Variants in PCDH19 observed in about 807,000 individuals in gnomAD.
The protein encoded by PCDH19 is protocadherin-19.
PCDH19 carries 6 observed loss-of-function variants against 46.2 expected under a neutral mutation model. The ratio of observed to expected loss-of-function variants is 0.13; its 90% CI spans 0.07 to 0.26. The LOEUF (loss-of-function observed/expected upper bound fraction) is 0.26. Among genes scored for constraint, PCDH19 ranks in the 10% least tolerant of loss-of-function variants. The pLI is 1.00. For synonymous variants in PCDH19, 481 were observed against 415.7 expected (o/e 1.16, Z -1.91); for missense variants, 740 against 972.3 (o/e 0.76, Z 3.18).
At chrX:100,389,390 G>T (rs1927804605) in intron 3 of PCDH19, among the ~76,000 whole-genome samples, 1 of 108,243 alleles carries the variant, frequency 9.2e-6, no homozygotes, top group African/African-American at 3.4e-5. Context: ...AGGGGTTGTG[G>T]GTGGGGGAAA....
chrX:100,406,342 G>A (rs1208515194), intron 1 of PCDH19, 109 bp downstream of exon 1: 2 of 609,101 alleles, frequency 3.3e-6, no homozygotes, highest in African/African-American at 4.5e-5. Flanking sequence ...AGCACTGCAA[G>A]TATGCTGCAT....
In PCDH19 at chrX:100,407,236, G is replaced by C. The variant is rs903487668; in HGVS notation, c.1362C>G (p.Ser454=). Residue 454 remains serine (S), a synonymous_variant, in exon 1 of 6, where the codon TCC becomes TCG. Transcript: ENST00000373034. Reference sequence around the variant, plus strand: ...GCACAATGACCTGGTAGTAGGGCTTGGAAAAGTGCGGGTGGTTGTCATTTT... The same window carrying C: ...GCACAATGACCTGGTAGTAGGGCTTCGAAAAGTGCGGGTGGTTGTCATTTT... ...TDENDNHPHF[S]KPYYQVIVQE... 2.5e-6 allele frequency: 3 copies of C among 1,210,030 alleles called. No individual in the cohort carries two copies. Among genetic ancestry groups the C allele is most frequent in the Admixed American group, 2.2e-5 (1 of 45,888 alleles).
Position 100,351,923 on chromosome X carries a change from C to T in PCDH19, c.2617-1219G>A, listed in dbSNP as rs1021150018. 3.6e-5 allele frequency among the ~76,000 whole-genome samples: 4 copies of T among 112,180 alleles called. No homozygotes were observed. In the South Asian group the frequency reaches 1.1e-3, roughly 31 times the overall value. On this transcript the variant is annotated intron_variant, in intron 3 of 5. Transcript: ENST00000373034. ...CACCAAACAGCCAGCAGTCAGAATA[C>T]AGACCCCAAGTGCCTACAATAGGTA...
chrX:100,342,385 TTTCTC>T (rs1926278380), intron 4 of PCDH19, among the ~76,000 whole-genome samples: 1 of 112,281 alleles, frequency 8.9e-6, no homozygotes, highest in African/African-American at 3.2e-5. Context: ...TCAGAAGACT[TTTCTC>T]TTCCTATAAA....
intron 5 of PCDH19, among the ~76,000 whole-genome samples, chrX:100,298,481 T>C (rs1283317707): frequency 1.8e-5 from 2 of 112,232 alleles, no homozygotes; most frequent in East Asian, 5.6e-4. Context: ...ATGGACACTT[T>C]CATCCCCCTT....
chrX:100,312,705 T>G (rs1218583577), intron 5 of PCDH19, among the ~76,000 whole-genome samples: 1 of 111,363 alleles, frequency 9.0e-6, no homozygotes, highest in Non-Finnish European at 1.9e-5. Flanking sequence ...TTTCAGCACA[T>G]GAAGATTACA....
intron 3 of PCDH19, among the ~76,000 whole-genome samples, chrX:100,398,111 C>T (rs1434678972): frequency 1.8e-5 from 2 of 111,320 alleles, no homozygotes; most frequent in African/African-American, 6.5e-5. Context: ...CCTCACCTTT[C>T]AGTTTAAAAT....
In PCDH19 at chrX:100,408,555, G is replaced by A; in HGVS notation, c.43C>T (p.Leu15=). Reference sequence around the variant, plus strand: ...ATGAGGGCGGCAGCCTGCGTCCACAGTATGGCCAGCAGCAGCAGCACCGGC... The same window carrying A: ...ATGAGGGCGGCAGCCTGCGTCCACAATATGGCCAGCAGCAGCAGCACCGGC... ...LLPVLLLLAI[L]WTQAAALINL... Residue 15 remains leucine, a synonymous_variant, in exon 1 of 6, where the codon CTG becomes TTG. Transcript: ENST00000373034. 1.7e-6 allele frequency: 2 copies of A among 1,193,867 alleles called. No individual in the cohort carries two copies. Among genetic ancestry groups the A allele is most frequent in the East Asian group, 3.0e-5 (1 of 33,232 alleles).
intron 4 of PCDH19, among the ~76,000 whole-genome samples, chrX:100,346,786 A>G (rs1323495515): frequency 8.9e-6 from 1 of 111,756 alleles, no homozygotes; most frequent in Non-Finnish European, 1.9e-5. Flanking sequence ...TTCATTTCCT[A>G]TTTCATTTTC....
At chrX:100,349,244 A>G (rs181565392) in intron 4 of PCDH19, among the ~76,000 whole-genome samples, 20 of 112,268 alleles carry the variant, frequency 1.8e-4, no homozygotes, top group African/African-American at 6.5e-4. Flanking sequence ...AAGGCACTCT[A>G]ATCAGTGCAC....
intron 3 of PCDH19, among the ~76,000 whole-genome samples, chrX:100,358,650 A>G (rs1002493814): frequency 3.6e-5 from 4 of 112,264 alleles, no homozygotes; most frequent in African/African-American, 6.5e-5. Flanking sequence ...ACACCATGCC[A>G]TAAAACAAAT....
intron 5 of PCDH19, among the ~76,000 whole-genome samples, chrX:100,336,710 G>A (rs1239915372): frequency 3.6e-5 from 4 of 112,027 alleles, no homozygotes; most frequent in Non-Finnish European, 7.5e-5. Flanking sequence ...TTAGCATGGA[G>A]GGAAACCAAT....
chrX:100,312,512 T>G (rs1925163069), intron 5 of PCDH19, among the ~76,000 whole-genome samples: 2 of 111,839 alleles, frequency 1.8e-5, no homozygotes, highest in African/African-American at 6.5e-5. Flanking sequence ...CTTTTTCCAT[T>G]TGTCCGCTTA....
chrX:100,348,275 A>G (rs1926471212), intron 4 of PCDH19, among the ~76,000 whole-genome samples: 1 of 111,227 alleles, frequency 9.0e-6, no homozygotes, highest in Non-Finnish European at 1.9e-5. Flanking sequence ...CTTTTCAAAC[A>G]CTGTTGTGAG....
intron 5 of PCDH19, among the ~76,000 whole-genome samples, chrX:100,302,816 G>C (rs1924822542): frequency 9.0e-6 from 1 of 111,558 alleles, no homozygotes; most frequent in South Asian, 3.8e-4. Flanking sequence ...TCTCAACCTA[G>C]CAAAGCGTCC....
At chrX:100,351,179 T>C (rs1926559665) in intron 3 of PCDH19, among the ~76,000 whole-genome samples, 1 of 113,080 alleles carries the variant, frequency 8.8e-6, no homozygotes, top group South Asian at 3.7e-4. Context: ...CACTTCCCTT[T>C]GTTTCAAGAC....
chrX:100,300,446 GAT>G (rs1924739676), intron 5 of PCDH19, among the ~76,000 whole-genome samples: 2 of 111,455 alleles, frequency 1.8e-5, no homozygotes, highest in Admixed American at 1.9e-4. Flanking sequence ...ATGGGCTCAC[GAT>G]TCACTAAGTT....
chrX:100,299,345 C>T (rs1924707607), intron 5 of PCDH19, among the ~76,000 whole-genome samples: 1 of 112,104 alleles, frequency 8.9e-6, no homozygotes. Context: ...ATGTCTTCAA[C>T]ACGAAGCTCT....
chrX:100,322,866 T>TATATATATATATA (rs1491391280), intron 5 of PCDH19, among the ~76,000 whole-genome samples: 4 of 36,864 alleles, frequency 1.1e-4, no homozygotes, highest in East Asian at 7.3e-4. Flanking sequence ...TATATATATA[T>TATATATATATATA]TTTTGCAGCT....
Sources: allele counts gnomAD v4.1 joint callset (sites outside exome capture counted in the v4.1 genomes callset), GRCh38; gene constraint gnomAD v4.1.1; transcripts MANE v1.5; gene names NCBI Gene and HGNC (gene_info 2026-07-23, HGNC 2026-07-21).